Variants in RUNX1 observed in about 807,000 individuals in gnomAD.
The protein encoded by RUNX1 is RUNX family transcription factor 1, also known as runt-related transcription factor 1.
Under a neutral mutation model 42.8 loss-of-function variants are expected in RUNX1, and 19 were observed. The observed-to-expected ratio is 0.44, with a 90% CI of 0.31 to 0.65. RUNX1 has a LOEUF of 0.65. Among genes scored for constraint, RUNX1 ranks in the 30% least tolerant of loss-of-function variants. RUNX1 has a pLI of 0.07. For missense variants in RUNX1, 528 were observed against 672.0 expected (o/e 0.79, Z 2.37); for synonymous variants, 271 against 289.4 (o/e 0.94, Z 0.64).
intron 2 of RUNX1, among the ~76,000 whole-genome samples, chr21:34,949,231 T>C (rs975766027): frequency 6.6e-6 from 1 of 152,222 alleles, no homozygotes; most frequent in African/African-American, 2.4e-5. Context: ...CCAAAGTCCT[T>C]TTCACTAAAC....
At chr21:35,024,131 A>G (rs1006657009) in intron 2 of RUNX1, among the ~76,000 whole-genome samples, 12 of 152,190 alleles carry the variant, frequency 7.9e-5, no homozygotes, top group Middle Eastern at 3.2e-3. Flanking sequence ...GTTCTGGTCA[A>G]TGATTTGTCA....
At chr21:34,821,187 G>A (rs1056603772) in intron 7 of RUNX1, 4 of 1,014,914 alleles carry the variant, frequency 3.9e-6, no homozygotes, top group Admixed American at 5.8e-5. Context: ...GGGAATTATC[G>A]CAGAGTAGCT....
At chr21:34,894,485 T>C (rs1326470652) in intron 2 of RUNX1, among the ~76,000 whole-genome samples, 1 of 151,550 alleles carries the variant, frequency 6.6e-6, no homozygotes, top group East Asian at 1.9e-4. Flanking sequence ...GTGGTTAAAT[T>C]GGGGAGGGGG....
At chr21:34,878,344 T>TAAAA (rs58465528) in intron 5 of RUNX1, among the ~76,000 whole-genome samples, 1 of 122,854 alleles carries the variant, frequency 8.1e-6, no homozygotes, top group Non-Finnish European at 1.8e-5. Context: ...TAGCGCTGAC[T>TAAAA]AAAAAAAAAA....
At chr21:34,921,310 C>G (rs371137561) in intron 2 of RUNX1, among the ~76,000 whole-genome samples, 1 of 152,186 alleles carries the variant, frequency 6.6e-6, no homozygotes, top group Non-Finnish European at 1.5e-5. Context: ...CCCCCTCCCC[C>G]ACAGCCTCTG....
chr21:35,047,551 ACACACACACACTCTCTCTCTCTCTCT>A (rs2059407162), intron 2 of RUNX1, among the ~76,000 whole-genome samples: 1 of 95,420 alleles, frequency 1.0e-5, no homozygotes, highest in African/African-American at 5.3e-5. Flanking sequence ...ACACACACAC[ACACACACACACTCTCTCTCTCTCTCT>A]CTCTCTCTCT....
In RUNX1 at chr21:34,792,256, A is replaced by T; in HGVS notation, c.1322T>A (p.Leu441Gln). 1 of 1,537,454 alleles carries T rather than the reference A, an allele frequency of 6.5e-7. No individual in the cohort carries two copies. The highest frequency in any genetic ancestry group is 8.7e-7 in the Non-Finnish European group (1 of 1,146,180). The change falls in exon 9 of 9, where the codon CTG (leucine) becomes CAG (glutamine). Residue 441 changes from leucine (L) to glutamine (Q), a missense_variant. By Grantham distance (113) the Leu-to-Gln change is moderately radical. Transcript: ENST00000675419. This position sits in a 1 kb window ranked among gnomAD's most constrained non-coding sequence, Gnocchi z 6.9. ...CTGGTTCGGGAGGCTGGGGTTGAGC[A>T]GCGCGGAGCCGGTGGAGGCGTTGGT... is the stretch of plus-strand genomic sequence containing the variant. ...PCTNASTGSALLNPSLPNQSD... is the reference protein window; with the variant it reads ...PCTNASTGSAQLNPSLPNQSD...
intron 6 of RUNX1, 103 bp downstream of exon 6, chr21:34,859,371 G>T (rs749872499): frequency 1.0e-6 from 1 of 966,636 alleles, no homozygotes; most frequent in East Asian, 2.4e-5. Flanking sequence ...TCCCCCTGGG[G>T]GAAAGGTTGA....
At chr21:35,013,646 C>A (rs1368473093) in intron 2 of RUNX1, among the ~76,000 whole-genome samples, 1 of 152,198 alleles carries the variant, frequency 6.6e-6, no homozygotes, top group African/African-American at 2.4e-5. Context: ...TATAAGTTGG[C>A]ACAGCCTTTC....
chr21:34,994,728 T>TG (rs1304795449), intron 2 of RUNX1, among the ~76,000 whole-genome samples: 7 of 152,216 alleles, frequency 4.6e-5, no homozygotes, highest in African/African-American at 1.7e-4. Context: ...CTTCTACTGA[T>TG]GAGGACATAA....
chr21:34,983,978 T>C (rs2058866272), intron 2 of RUNX1, among the ~76,000 whole-genome samples: 1 of 152,126 alleles, frequency 6.6e-6, no homozygotes, highest in South Asian at 2.1e-4. Context: ...TGGGGACATA[T>C]TTGCCTCAAG....
intron 2 of RUNX1, among the ~76,000 whole-genome samples, chr21:35,048,553 T>A (rs897476318): frequency 6.6e-6 from 1 of 152,236 alleles, no homozygotes; most frequent in African/African-American, 2.4e-5. Flanking sequence ...TCTAAGCCTT[T>A]AAACAAGACC....
At chr21:34,797,588 G>C (rs886295153) in intron 8 of RUNX1, among the ~76,000 whole-genome samples, 2 of 152,222 alleles carry the variant, frequency 1.3e-5, no homozygotes, top group African/African-American at 4.8e-5. Context: ...GCAGAGGGGT[G>C]CCCTGAGAAC....
At chr21:35,048,758 T>C in intron 2 of RUNX1, 84 bp downstream of exon 2, 1 of 1,161,954 alleles carries the variant, frequency 8.6e-7, no homozygotes, top group East Asian at 2.3e-5. Context: ...CCGAGGCATC[T>C]CTGCACCGAG....
chr21:34,795,307 C>T (rs1003470109), intron 8 of RUNX1, among the ~76,000 whole-genome samples: 1 of 152,190 alleles, frequency 6.6e-6, no homozygotes, highest in Non-Finnish European at 1.5e-5. Flanking sequence ...GCCTATTATT[C>T]CAGCAGGGAG....
At chr21:34,958,301 G>C (rs1051437210) in intron 2 of RUNX1, among the ~76,000 whole-genome samples, 1 of 152,106 alleles carries the variant, frequency 6.6e-6, no homozygotes, top group African/African-American at 2.4e-5. Context: ...AGCCCAGCTA[G>C]GCAAATGATT....
chr21:34,822,255 C>A (rs2056918911), intron 7 of RUNX1, among the ~76,000 whole-genome samples: 2 of 152,216 alleles, frequency 1.3e-5, no homozygotes, highest in South Asian at 4.1e-4. Flanking sequence ...ACACCACAGG[C>A]AGGACCTTCC....
chr21:35,026,566 T>G (rs1199967803), intron 2 of RUNX1, among the ~76,000 whole-genome samples: 1 of 152,224 alleles, frequency 6.6e-6, no homozygotes, highest in Non-Finnish European at 1.5e-5. Flanking sequence ...GGTCAAAGCA[T>G]TACATACTGC....
At chr21:34,909,220 T>C (rs1193764016) in intron 2 of RUNX1, among the ~76,000 whole-genome samples, 1 of 152,126 alleles carries the variant, frequency 6.6e-6, no homozygotes, top group Non-Finnish European at 1.5e-5. Context: ...CCCATGCTCC[T>C]GACAGTACAC....
Sources: allele counts gnomAD v4.1 joint callset (sites outside exome capture counted in the v4.1 genomes callset), GRCh38; gene constraint gnomAD v4.1.1; non-coding constraint Gnocchi (gnomAD v3.1); transcripts MANE v1.5; gene names NCBI Gene and HGNC (gene_info 2026-07-23, HGNC 2026-07-21).